Variants in LTBP1 observed in about 807,000 individuals in gnomAD.
The protein encoded by LTBP1 is latent transforming growth factor beta binding protein 1.
A neutral mutation model predicts 207.6 loss-of-function variants in LTBP1; 129 were observed. The ratio of observed to expected loss-of-function variants is 0.62; its 90% CI spans 0.54 to 0.72. The LOEUF is 0.72. Among genes scored for constraint, LTBP1 ranks in the 30% least tolerant of loss-of-function variants. LTBP1 has a pLI of 0.00. For missense variants in LTBP1, 2,281 were observed against 2,217.2 expected (o/e 1.03, Z -0.58); for synonymous variants, 963 against 833.7 (o/e 1.16, Z -2.67).
At chr2:33,075,729 G>A (rs890246386) in intron 3 of LTBP1, among the ~76,000 whole-genome samples, 2 of 152,034 alleles carry the variant, frequency 1.3e-5, no homozygotes, top group Admixed American at 6.6e-5. Flanking sequence ...TTGTCAATGG[G>A]GGTTATTAAA....
chr2:33,331,271 G>A (rs745923639), intron 24 of LTBP1, among the ~76,000 whole-genome samples: 5 of 151,074 alleles, frequency 3.3e-5, no homozygotes, highest in Non-Finnish European at 7.4e-5. Flanking sequence ...ACACTTTGGG[G>A]TTTAAATTGT....
chr2:33,041,397 G>C (rs2076177396), intron 3 of LTBP1, among the ~76,000 whole-genome samples: 1 of 152,038 alleles, frequency 6.6e-6, no homozygotes, highest in Non-Finnish European at 1.5e-5. Flanking sequence ...CGATTCTTCT[G>C]CCTCAGCCTC....
intron 15 of LTBP1, among the ~76,000 whole-genome samples, chr2:33,265,219 A>G (rs2093141498): frequency 6.6e-6 from 1 of 152,232 alleles, no homozygotes. Context: ...CTATCTGGAC[A>G]TCCCTTAGCC....
intron 4 of LTBP1, among the ~76,000 whole-genome samples, chr2:33,119,134 G>A (rs1435081569): frequency 6.6e-6 from 1 of 151,068 alleles, no homozygotes; most frequent in Non-Finnish European, 1.5e-5. Flanking sequence ...AATCAATACT[G>A]TATGGCTCCA....
At chr2:33,236,226 A>T (rs2092041428) in intron 9 of LTBP1, among the ~76,000 whole-genome samples, 1 of 152,184 alleles carries the variant, frequency 6.6e-6, no homozygotes, top group Admixed American at 6.5e-5. Context: ...GAGGTTAATC[A>T]TAATTTTCTA....
Position 33,349,217 on chromosome 2 carries a change from G to A in LTBP1, c.4000+1707G>A, listed in dbSNP as rs374042498. Among the ~76,000 whole-genome samples, 26 of 152,276 alleles carry A rather than the reference G, an allele frequency of 1.7e-4. No homozygotes were observed. In the South Asian group the frequency reaches 3.7e-3, roughly 22 times the overall value. ...TGTAATCCCAACACTTTGGGAGGCC[G>A]AGGCAGGCAGATCACTGAGGCCAGG... On this transcript the variant is annotated intron_variant, in intron 26 of 33. Coordinates refer to ENST00000404816, the MANE Select transcript of LTBP1 (RefSeq NM_206943.4).
intron 2 of LTBP1, among the ~76,000 whole-genome samples, chr2:33,016,629 G>A (rs537341706): frequency 6.6e-6 from 1 of 152,236 alleles, no homozygotes; most frequent in East Asian, 1.9e-4. Context: ...TCTTGATATA[G>A]CCTCCACTCA....
At chr2:33,036,169 A>G (rs1010311604) in intron 3 of LTBP1, among the ~76,000 whole-genome samples, 12 of 152,114 alleles carry the variant, frequency 7.9e-5, no homozygotes, top group African/African-American at 2.4e-4. Flanking sequence ...TCGCCGGTGG[A>G]GGGCTTGCTA....
rs1010827809 is a variant in LTBP1 at position 33,383,974 on chromosome 2, A to G, written c.4712-5210A>G. Among the ~76,000 whole-genome samples, 4 of 152,300 alleles carry G rather than the reference A, an allele frequency of 2.6e-5. No homozygotes were observed. The East Asian group carries it at 7.7e-4, about 29-fold the overall frequency. ...AAATTGCAACCTCTCTACCATTTCT[A>G]AAAACAGCTGAATTTAATTTGCCTC... is the stretch of plus-strand genomic sequence containing the variant. On this transcript the variant is annotated intron_variant, in intron 31 of 33. Transcript: ENST00000404816.
At chr2:33,269,965 C>CTTTTT (rs35142617) in intron 15 of LTBP1, among the ~76,000 whole-genome samples, 1 of 129,792 alleles carries the variant, frequency 7.7e-6, no homozygotes, top group African/African-American at 2.8e-5. Flanking sequence ...TGATATTCAA[C>CTTTTT]TTTTTTTTTT....
chr2:33,275,166 G>A (rs1392955476), intron 17 of LTBP1, 76 bp downstream of exon 17: 2 of 1,540,872 alleles, frequency 1.3e-6, no homozygotes, highest in East Asian at 4.6e-5. Flanking sequence ...CATCAGTTCA[G>A]TGCTTATCCA....
chr2:33,272,863 G>GT (rs1191443621), intron 15 of LTBP1, among the ~76,000 whole-genome samples: 64 of 151,196 alleles, frequency 4.2e-4, no homozygotes, highest in East Asian at 2.1e-3. Flanking sequence ...GAGTCCTTGG[G>GT]TTTTTTTTTG....
intron 7 of LTBP1, among the ~76,000 whole-genome samples, chr2:33,216,422 C>G (rs1219860996): frequency 2.6e-5 from 4 of 152,100 alleles, no homozygotes; most frequent in Non-Finnish European, 4.4e-5. Context: ...TTTGGTATGT[C>G]TGCAGGATAG....
chr2:32,977,774 C>T (rs919748628), intron 2 of LTBP1, among the ~76,000 whole-genome samples: 3 of 152,126 alleles, frequency 2.0e-5, no homozygotes, highest in African/African-American at 7.2e-5. Flanking sequence ...TAGGCTCCTG[C>T]GCAGCTTCAC....
intron 3 of LTBP1, among the ~76,000 whole-genome samples, chr2:33,027,388 C>A (rs1310546098): frequency 2.6e-5 from 4 of 152,180 alleles, no homozygotes; most frequent in African/African-American, 9.7e-5. Flanking sequence ...ACTCTCTTAG[C>A]AAATTACCAG....
intron 15 of LTBP1, among the ~76,000 whole-genome samples, chr2:33,269,965 C>CT (rs35142617): frequency 1.2e-3 from 158 of 129,778 alleles, no homozygotes; most frequent in South Asian, 2.8e-3. Flanking sequence ...TGATATTCAA[C>CT]TTTTTTTTTT....
At chr2:33,149,169 C>G (rs940570695) in intron 5 of LTBP1, among the ~76,000 whole-genome samples, 2 of 141,318 alleles carry the variant, frequency 1.4e-5, no homozygotes, top group Non-Finnish European at 3.0e-5. Flanking sequence ...GAGCCGAGAT[C>G]GTGCCACTGC....
intron 18 of LTBP1, among the ~76,000 whole-genome samples, chr2:33,277,518 T>C (rs989325380): frequency 2.0e-5 from 3 of 152,158 alleles, no homozygotes; most frequent in Non-Finnish European, 4.4e-5. Context: ...CAGGTTTTCA[T>C]GAAAATAACT....
chr2:33,292,132 TACCC>T (rs976457809), intron 19 of LTBP1, among the ~76,000 whole-genome samples: 6 of 152,366 alleles, frequency 3.9e-5, no homozygotes, highest in African/African-American at 1.4e-4. Context: ...ACGGTGGACC[TACCC>T]AGGGCCATTC....
Sources: gnomAD v4.1 joint callset for allele counts (sites outside exome capture counted in the v4.1 genomes callset) on GRCh38, gnomAD v4.1.1 for gene constraint, MANE v1.5 for transcripts, NCBI Gene and HGNC (gene_info 2026-07-23, HGNC 2026-07-21) for gene names.